Variants in VENTX observed in about 807,000 individuals in gnomAD.
VENTX encodes the protein VENT homeobox.
Under a neutral mutation model 10.5 loss-of-function variants are expected in VENTX, and 13 were observed. That is an observed-to-expected ratio of 1.23 (90% CI 0.80 to 1.96). VENTX has a LOEUF of 1.96. Ranked by LOEUF, VENTX falls within the 30% of genes most tolerant of loss-of-function variation. The pLI, the probability that VENTX is intolerant of heterozygous loss-of-function variation, is 0.00. For missense variants in VENTX, 400 were observed against 341.8 expected (o/e 1.17, Z -1.34); for synonymous variants, 177 against 150.4 (o/e 1.18, Z -1.29).
At chr10:133,238,266 G>A in intron 1 of VENTX, 111 bp downstream of exon 1, 2 of 1,363,796 alleles carry the variant, frequency 1.5e-6, no homozygotes, top group Non-Finnish European at 1.9e-6. Flanking sequence ...CTAGGTCAGG[G>A]CCGGGGGCGT....
rs565294704 is a variant in VENTX at position 133,240,976 on chromosome 10, G to T, written c.*670G>T. The T allele has an allele frequency of 1.3e-5, 2 of 152,196 alleles. No individual in the cohort carries two copies. The highest frequency in any genetic ancestry group is 2.4e-5 in the African/African-American group (1 of 41,444). The allele number at this position is 152,196 out of a possible 1,614,324, so 9.4% of individuals were successfully genotyped here. On this transcript the variant is annotated 3_prime_UTR_variant, in exon 3 of 3. Coordinates refer to ENST00000325980, the MANE Select transcript of VENTX (RefSeq NM_014468.4). Reference sequence around the variant, plus strand: ...GTCATGGGTAGGGCTTTCGGCGTACGATAAAAGGATCATTTGTTTTTTAAA... The same window carrying T: ...GTCATGGGTAGGGCTTTCGGCGTACTATAAAAGGATCATTTGTTTTTTAAA...
At chr10:133,238,797 CA>C (rs1192511577) in intron 1 of VENTX, among the ~76,000 whole-genome samples, 1 of 152,208 alleles carries the variant, frequency 6.6e-6, no homozygotes, top group Non-Finnish European at 1.5e-5. Flanking sequence ...AGTACTTGGT[CA>C]AAAGTGGGGT....
chr10:133,238,402 AC>A (rs1337149816), intron 1 of VENTX, among the ~76,000 whole-genome samples: 1 of 151,378 alleles, frequency 6.6e-6, no homozygotes, highest in Admixed American at 6.6e-5. Flanking sequence ...TCCTTTTGTC[AC>A]CCCGTTCCTC....
At position 133,240,112 on chromosome 10, in the gene VENTX, C is replaced by T. The variant is rs766645489; in HGVS notation, c.583C>T (p.Leu195=). The change falls in exon 3 of 3, where the codon CTG becomes TTG. Residue 195 remains leucine, a synonymous_variant. Transcript: ENST00000325980. ...PWAPLSGPQA[L]MLPPGSFWGL... ...GGCACCCCTGTCCGGGCCCCAGGCT[C>T]TGATGCTGCCCCCTGGCTCCTTCTG... The T allele has an allele frequency of 1.2e-6, 2 of 1,610,658 alleles. No individual in the cohort carries two copies. The highest frequency in any genetic ancestry group is 1.1e-5 in the South Asian group (1 of 91,034).
intron 1 of VENTX, 38 bp downstream of exon 1, chr10:133,238,193 G>A: frequency 6.4e-7 from 1 of 1,550,582 alleles, no homozygotes; most frequent in Non-Finnish European, 8.7e-7. Context: ...CTTCCCAGGT[G>A]GAGATGGGAG....
In VENTX at chr10:133,239,717, C is replaced by T. The variant is rs776964051; in HGVS notation, c.283C>T (p.Arg95Cys). ...AAATACCTTGCGGGCCCCCCGTGTC[C>T]GCACAGCCTTCACCATGGAGCAGGT... ...EPNTLRAPRV[R>C]TAFTMEQVRT... Residue 95 changes from arginine (R) to cysteine (C), a missense_variant, in exon 2 of 3, where the codon CGC (arginine) becomes TGC (cysteine). By Grantham distance (180) the Arg-to-Cys change is radical (BLOSUM62 -3). Coordinates refer to ENST00000325980, the MANE Select transcript of VENTX (RefSeq NM_014468.4). The T allele has an allele frequency of 1.6e-5, 26 of 1,611,032 alleles. No homozygotes were observed. The highest frequency in any genetic ancestry group is 2.7e-5 in the African/African-American group (2 of 74,836).
Position 133,240,353 on chromosome 10 carries a change from G to A in VENTX, c.*47G>A. On this transcript the variant is annotated 3_prime_UTR_variant, in exon 3 of 3. Transcript: ENST00000325980. ...ACTCGCGGTCTTGCTGATCGCACCT[G>A]GCTCCTACCTGGAGGACTCAGTTGT... The A allele has an allele frequency of 6.6e-7, 1 of 1,524,600 alleles. No homozygotes were observed. The highest frequency in any genetic ancestry group is 8.8e-7 in the Non-Finnish European group (1 of 1,136,338). The allele number at this position is 1,524,600 out of a possible 1,614,324, so 94.4% of individuals were successfully genotyped here.
intron 2 of VENTX, 40 bp downstream of exon 2, chr10:133,239,876 C>T (rs1396499179): frequency 1.7e-6 from 1 of 581,838 alleles, no homozygotes; most frequent in Admixed American, 2.1e-5. Context: ...CAGGGGTGGG[C>T]AAGGGTGGGC....
At chr10:133,238,202 A>T (rs1845879335) in intron 1 of VENTX, 47 bp downstream of exon 1, 1 of 1,531,716 alleles carries the variant, frequency 6.5e-7, no homozygotes, top group African/African-American at 1.4e-5. Flanking sequence ...TGGAGATGGG[A>T]GTGGGGGAGA....
rs1374698819 is a variant in VENTX, at chr10:133,238,169, G to T, written c.241+14G>T. 1.3e-6 allele frequency: 2 copies of T among 1,564,298 alleles called. No homozygotes were observed. Among genetic ancestry groups the T allele is most frequent in the African/African-American group, 1.6e-5 (1 of 63,410 alleles). On this transcript the variant is annotated intron_variant, in intron 1 of 2. Coordinates refer to ENST00000325980, the MANE Select transcript of VENTX (RefSeq NM_014468.4). ...GGACCATGGCCGGTAGGTCCGGGTGGGGGGGGTCCCTTCCTTCCCAGGTGG... is the reference window on the plus strand; with the variant it reads ...GGACCATGGCCGGTAGGTCCGGGTGTGGGGGGTCCCTTCCTTCCCAGGTGG...
intron 1 of VENTX, 73 bp downstream of exon 1, chr10:133,238,228 G>C: frequency 6.8e-7 from 1 of 1,477,902 alleles, no homozygotes; most frequent in Non-Finnish European, 8.9e-7. Context: ...GGAGCCCGGC[G>C]GCTGCACTCC....
At chr10:133,238,345 C>T (rs1188846159) in intron 1 of VENTX, among the ~76,000 whole-genome samples, 190 bp downstream of exon 1, 1 of 152,214 alleles carries the variant, frequency 6.6e-6, no homozygotes, top group African/African-American at 2.4e-5. Context: ...GAACCAAAGC[C>T]TTGACGGGGA....
intron 1 of VENTX, 38 bp from the exon 2 acceptor site, chr10:133,239,638 T>G (rs367546707): frequency 8.7e-6 from 14 of 1,607,542 alleles, no homozygotes; most frequent in Non-Finnish European, 1.2e-5. Context: ...CCCCATGGGG[T>G]GGCATGTTGA....
chr10:133,240,132 C>T lies in VENTX; in HGVS notation c.603C>T (p.Ser201=), dbSNP rs376205046. The change falls in exon 3 of 3, where the codon TCC becomes TCT. Residue 201 remains serine, a synonymous_variant. Transcript: ENST00000325980. ...AGGCTCTGATGCTGCCCCCTGGCTC[C>T]TTCTGGGGTCTCTGCCAAGTGGCAC... ...GPQALMLPPG[S]FWGLCQVAQE... The T allele has an allele frequency of 2.5e-6, 4 of 1,609,864 alleles. No homozygotes were observed. Among genetic ancestry groups the T allele is most frequent in the African/African-American group, 1.3e-5 (1 of 75,032 alleles).
intron 1 of VENTX, 103 bp from the exon 2 acceptor site, chr10:133,239,573 C>T (rs1390320508): frequency 1.4e-6 from 2 of 1,416,916 alleles, no homozygotes; most frequent in Non-Finnish European, 1.9e-6. Context: ...GAAGATCTGC[C>T]CTGCCCAGCC....
chr10:133,240,349 ACCTGGCT>A lies in VENTX; in HGVS notation c.*47_*53del. ...CCACACTCGCGGTCTTGCTGATCGCACCTGGCTCCTACCTGGAGGACTCAGTTGTTCT... is the reference window on the plus strand; with the variant it reads ...CCACACTCGCGGTCTTGCTGATCGCACCTACCTGGAGGACTCAGTTGTTCT... On this transcript the variant is annotated 3_prime_UTR_variant, in exon 3 of 3. Transcript: ENST00000325980. 6.5e-7 allele frequency: 1 copy of A among 1,527,898 alleles called. No individual in the cohort carries two copies. Among genetic ancestry groups the A allele is most frequent in the Non-Finnish European group, 8.8e-7 (1 of 1,137,520 alleles). The allele number at this position is 1,527,898 out of a possible 1,614,324, so 94.6% of individuals were successfully genotyped here.
At position 133,240,253 on chromosome 10, in the gene VENTX, T is replaced by C; in HGVS notation, c.724T>C (p.Ser242Pro). Residue 242 changes from serine to proline, a missense_variant, in exon 3 of 3, where the codon TCC becomes CCC. Transcript: ENST00000325980. Reference protein sequence around the residue: ...PGRPSLGPALSTGPRGLCAMP... With the variant: ...PGRPSLGPALPTGPRGLCAMP... ...CCGGCCTTCGCTGGGACCAGCCCTGTCCACGGGGCCCCGGGGCCTGTGTGC... is the reference window on the plus strand; with the variant it reads ...CCGGCCTTCGCTGGGACCAGCCCTGCCCACGGGGCCCCGGGGCCTGTGTGC... The C allele has an allele frequency of 6.2e-7, 1 of 1,608,700 alleles. No homozygotes were observed. The highest frequency in any genetic ancestry group is 8.5e-7 in the Non-Finnish European group (1 of 1,177,626).
chr10:133,240,352 T>C lies in VENTX; in HGVS notation c.*46T>C. 3 of 1,526,322 alleles carry C rather than the reference T, an allele frequency of 2.0e-6. No individual in the cohort carries two copies. The highest frequency in any genetic ancestry group is 2.6e-6 in the Non-Finnish European group (3 of 1,136,842). The allele number at this position is 1,526,322 out of a possible 1,614,324, so 94.5% of individuals were successfully genotyped here. The stretch of plus-strand genomic sequence containing the variant: ...CACTCGCGGTCTTGCTGATCGCACC[T>C]GGCTCCTACCTGGAGGACTCAGTTG... On this transcript the variant is annotated 3_prime_UTR_variant, in exon 3 of 3. Transcript: ENST00000325980.
At position 133,237,899 on chromosome 10, in the gene VENTX, G is replaced by C. The variant is rs759283648; in HGVS notation, c.-16G>C. Reference sequence around the variant, plus strand: ...GCCAGCCCCGCCTGGCCTTCCCTCCGGCCCACCTGGCCGCCATGCGCCTCT... The same window carrying C: ...GCCAGCCCCGCCTGGCCTTCCCTCCCGCCCACCTGGCCGCCATGCGCCTCT... On this transcript the variant is annotated 5_prime_UTR_variant, in exon 1 of 3. Transcript: ENST00000325980. The C allele has an allele frequency of 1.3e-6, 2 of 1,567,996 alleles. No homozygotes were observed. Among genetic ancestry groups the C allele is most frequent in the Non-Finnish European group, 1.7e-6 (2 of 1,162,696 alleles).
Sources: gnomAD v4.1 joint callset for allele counts (sites outside exome capture counted in the v4.1 genomes callset) on GRCh38, gnomAD v4.1.1 for gene constraint, MANE v1.5 for transcripts, NCBI Gene and HGNC (gene_info 2026-07-23, HGNC 2026-07-21) for gene names.